ERLIN2: variants seen among roughly 807,000 people sequenced by gnomAD.
ERLIN2 encodes erlin-2.
In ERLIN2, 22 loss-of-function variants were observed where a neutral mutation model predicts 41.5. The observed-to-expected ratio is 0.53, with a 90% confidence interval of 0.38 to 0.76. The LOEUF (loss-of-function observed/expected upper bound fraction) is 0.76. Among genes scored for constraint, ERLIN2 ranks in the 30% least tolerant of loss-of-function variants. ERLIN2 has a pLI of 0.00. For synonymous variants in ERLIN2, 149 were observed against 150.9 expected, an observed-to-expected ratio of 0.99 and a Z score of 0.09; for missense variants, 247 against 414.3, an observed-to-expected ratio of 0.60 and a Z score of 3.51.
chr8:37,753,651 C>G (rs528389014), intron 11 of ERLIN2, 122 bp downstream of exon 11: 1 of 896,954 alleles, frequency 1.1e-6, no homozygotes, highest in African/African-American at 1.6e-5. Flanking sequence ...ACTGAGGATG[C>G]CTTTGCTGTG....
chr8:37,750,978 C>T (rs1305975142), intron 9 of ERLIN2, among the ~76,000 whole-genome samples: 1 of 152,188 alleles, frequency 6.6e-6, no homozygotes, highest in African/African-American at 2.4e-5. Flanking sequence ...CTCAGCCTCC[C>T]AAAGTGCTGG....
At chr8:37,744,889 C>T in intron 6 of ERLIN2, 193 bp downstream of exon 6, 1 of 715,918 alleles carries the variant, frequency 1.4e-6, no homozygotes, top group East Asian at 2.7e-5. Context: ...CAACAAGATC[C>T]TTAGAGGGCT....
intron 10 of ERLIN2, among the ~76,000 whole-genome samples, chr8:37,753,134 C>T (rs937792581): frequency 6.6e-6 from 1 of 152,198 alleles, no homozygotes; most frequent in Non-Finnish European, 1.5e-5. Flanking sequence ...AGACAGGAAG[C>T]GCTTCTGGCT....
chr8:37,740,274 G>C, intron 2 of ERLIN2, 91 bp from the exon 3 acceptor site: 1 of 846,726 alleles, frequency 1.2e-6, no homozygotes. Context: ...TATGTTTATA[G>C]GGCTGAAGGG....
At chr8:37,749,762 T>C (rs764349489) in intron 7 of ERLIN2, 32 bp from the exon 8 acceptor site, 47 of 1,611,212 alleles carry the variant, frequency 2.9e-5, no homozygotes, top group Non-Finnish European at 3.3e-5. Context: ...ACCCTCACTT[T>C]CCCATCAGCT....
At position 37,754,115 on chromosome 8, in the gene ERLIN2, A is replaced by T. The variant is rs1803299595; in HGVS notation, c.1020A>T (p.Ter340CysextTer11). ...EPLETATKEN[*>C] ...TGGAGACGGCCACTAAGGAGAATTG[A>T]AAAAAACTTGATATGACTGCAAATG... Residue 340 changes from the stop codon to cysteine (C), a stop_lost, in exon 12 of 12, where the codon TGA becomes TGT. Coordinates refer to ENST00000519638, the MANE Select transcript of ERLIN2 (RefSeq NM_007175.8). 6.2e-7 allele frequency: 1 copy of T among 1,609,174 alleles called. No individual in the cohort carries two copies. The highest frequency in any genetic ancestry group is 1.3e-5 in the African/African-American group (1 of 74,834).
rs1175460340 is a variant in ERLIN2 at position 37,744,365 on chromosome 8, A to T, written c.247A>T (p.Met83Leu). 1 of 1,613,970 alleles carries T rather than the reference A, an allele frequency of 6.2e-7. No homozygotes were observed. Among genetic ancestry groups the T allele is most frequent in the East Asian group, 2.2e-5 (1 of 44,888 alleles). Residue 83 changes from methionine (M) to leucine (L), a missense_variant, in exon 5 of 12, where the codon ATG (methionine) becomes TTG (leucine). Transcript: ENST00000519638. Reference protein sequence around the residue: ...NVPCGTSGGVMIYFDRIEVVN... With the variant: ...NVPCGTSGGVLIYFDRIEVVN... ...TTCTCCCTCCAATAGTGGTGGTGTG[A>T]TGATCTACTTTGACAGAATTGAAGT...
At chr8:37,736,794 C>T (rs1157148201) in intron 1 of ERLIN2, 116 bp downstream of exon 1, 20 of 985,850 alleles carry the variant, frequency 2.0e-5, no homozygotes, top group Non-Finnish European at 2.4e-5. Context: ...TCAGCCGGCC[C>T]GCTCCTGGAG....
intron 6 of ERLIN2, chr8:37,745,721 ATTAC>A: frequency 6.4e-7 from 1 of 1,557,414 alleles, no homozygotes; most frequent in Non-Finnish European, 8.7e-7. Flanking sequence ...AATCATCCAA[ATTAC>A]TTTTAATGTT....
intron 6 of ERLIN2, chr8:37,744,932 G>T: frequency 1.5e-6 from 1 of 663,342 alleles, no homozygotes; most frequent in South Asian, 1.7e-5. Context: ...TAGTGGAGTA[G>T]AGTATTCACT....
rs759636090 is a variant in ERLIN2 at position 37,756,933 on chromosome 8, T to C, written c.*2818T>C. 3.3e-5 allele frequency: 5 copies of C among 152,416 alleles called. No homozygotes were observed. Among genetic ancestry groups the C allele is most frequent in the Non-Finnish European group, 7.3e-5 (5 of 68,030 alleles). 9.4% of individuals were successfully genotyped at this position (152,416 alleles called of 1,614,324 possible). ...CTTTGCAGAAGTGATTCATATTCAG[T>C]ACTGTTTTTAATCACTTTTTAAAAT... On this transcript the variant is annotated 3_prime_UTR_variant, in exon 12 of 12. Transcript: ENST00000519638.
At chr8:37,751,305 C>A (rs1328327866) in intron 9 of ERLIN2, among the ~76,000 whole-genome samples, 2 of 152,240 alleles carry the variant, frequency 1.3e-5, no homozygotes, top group Non-Finnish European at 2.9e-5. Flanking sequence ...ACTAACCTGA[C>A]CCCTGTCTAC....
Position 37,744,612 on chromosome 8 carries a change from G to A in ERLIN2, c.340G>A (p.Ala114Thr). The A allele has an allele frequency of 6.2e-7, 1 of 1,613,972 alleles. No individual in the cohort carries two copies. The highest frequency in any genetic ancestry group is 8.5e-7 in the Non-Finnish European group (1 of 1,179,908). ...GAACTATACTGCTGACTATGACAAG[G>A]CCCTCATCTTCAACAAGATCCACCA... is the stretch of plus-strand genomic sequence containing the variant. ...VKNYTADYDK[A>T]LIFNKIHHEL... Residue 114 changes from alanine (A) to threonine (T), a missense_variant, in exon 6 of 12, where the codon GCC becomes ACC. Physicochemically the swap from Ala to Thr is moderately conservative, Grantham distance 58 (BLOSUM62 0). This residue lies in a region of ERLIN2 where 93 missense variants were observed against 139.0 expected (regional missense o/e 0.67). Coordinates refer to ENST00000519638, the MANE Select transcript of ERLIN2 (RefSeq NM_007175.8).
chr8:37,741,351 G>A lies in ERLIN2; in HGVS notation c.190-421G>A, dbSNP rs1802844973. ...ATAATTGTTCTATTTTATTATTGTT[G>A]ATCACTTACTGTACCTAATTTATAA... On this transcript the variant is annotated intron_variant, in intron 3 of 11. Coordinates refer to ENST00000519638, the MANE Select transcript of ERLIN2 (RefSeq NM_007175.8). This position sits in a 1 kb window ranked among gnomAD's most constrained non-coding sequence, Gnocchi z 4.8. Among the ~76,000 whole-genome samples the A allele has an allele frequency of 6.6e-6, 1 of 152,072 alleles. No individual in the cohort carries two copies. The highest frequency in any genetic ancestry group is 1.5e-5 in the Non-Finnish European group (1 of 68,024).
At chr8:37,743,232 G>A (rs1018629395) in intron 4 of ERLIN2, among the ~76,000 whole-genome samples, 28 of 152,146 alleles carry the variant, frequency 1.8e-4, no homozygotes, top group African/African-American at 6.5e-4. Flanking sequence ...TAACAGATAC[G>A]ACAGAAACTA....
intron 4 of ERLIN2, 41 bp from the exon 5 acceptor site, chr8:37,744,310 TTCTA>T: frequency 6.5e-7 from 1 of 1,530,824 alleles, no homozygotes; most frequent in South Asian, 1.1e-5. Flanking sequence ...CTGCACCATA[TTCTA>T]AGGCTTCCCA....
Position 37,754,837 on chromosome 8 carries a change from T to G in ERLIN2, c.*722T>G, listed in dbSNP as rs916409354. ...TCTTTTCACCTATGCTGTGATTTGT[T>G]TTTTTTTTTTCTTCTCAAAAATTCT... On this transcript the variant is annotated 3_prime_UTR_variant, in exon 12 of 12. Transcript: ENST00000519638. The G allele has an allele frequency of 6.6e-6, 1 of 151,366 alleles. No individual in the cohort carries two copies. Among genetic ancestry groups the G allele is most frequent in the African/African-American group, 2.4e-5 (1 of 41,096 alleles). 9.4% of individuals were successfully genotyped at this position (151,366 alleles called of 1,614,324 possible).
intron 6 of ERLIN2, chr8:37,745,138 C>T: frequency 2.0e-6 from 1 of 505,728 alleles, no homozygotes; most frequent in South Asian, 3.2e-5. Context: ...GGGGCTGAAA[C>T]AGGAGCCTTC....
At chr8:37,749,094 A>G (rs1203680028) in intron 6 of ERLIN2, among the ~76,000 whole-genome samples, 1 of 152,162 alleles carries the variant, frequency 6.6e-6, no homozygotes, top group Non-Finnish European at 1.5e-5. Flanking sequence ...GAAACTTCTA[A>G]AATTACTAGA....
Sources: allele counts gnomAD v4.1 joint callset (sites outside exome capture counted in the v4.1 genomes callset), GRCh38; gene constraint gnomAD v4.1.1; regional missense constraint gnomAD v4.1.1; non-coding constraint Gnocchi (gnomAD v3.1); transcripts MANE v1.5; gene names NCBI Gene and HGNC (gene_info 2026-07-23, HGNC 2026-07-21).